Variants in PHC2 observed in about 807,000 individuals in gnomAD.
PHC2 encodes the protein polyhomeotic-like protein 2.
Under a neutral mutation model 87.4 loss-of-function variants are expected in PHC2, and 29 were observed. The ratio of observed to expected loss-of-function variants is 0.33; its 90% confidence interval spans 0.25 to 0.45. PHC2 has a LOEUF of 0.45. Ranked by LOEUF, PHC2 falls within the 20% of genes least tolerant of loss-of-function variation. The pLI, the probability that PHC2 is intolerant of heterozygous loss-of-function variation, is 1.00. For missense variants in PHC2, 857 were observed against 1,136.7 expected (o/e 0.75, Z 3.54); for synonymous variants, 438 against 461.7 (o/e 0.95, Z 0.66).
intron 3 of PHC2, among the ~76,000 whole-genome samples, chr1:33,371,658 G>C (rs1362781734): frequency 6.6e-6 from 1 of 152,222 alleles, no homozygotes; most frequent in Non-Finnish European, 1.5e-5. Context: ...CAACAGACAG[G>C]CTTTTCCTGA....
At chr1:33,343,706 T>C (rs2148244010) in intron 9 of PHC2, among the ~76,000 whole-genome samples, 1 of 152,296 alleles carries the variant, frequency 6.6e-6, no homozygotes, top group Middle Eastern at 3.4e-3. Context: ...ATCATTCTAA[T>C]CTCACTCTTT....
intron 7 of PHC2, among the ~76,000 whole-genome samples, chr1:33,365,710 T>TTCTTGGCTCAGCGGTGACCA (rs1553186572): frequency 6.6e-6 from 1 of 152,228 alleles, no homozygotes. Flanking sequence ...GGAGGTGCCT[T>TTCTTGGCTCAGCGGTGACCA]TCTTGGCTCA....
rs1195758740 is a variant in PHC2, at chr1:33,330,077, C to T, written c.2142G>A (p.Lys714=). ...GGCTCTGCCCGCCTCTTACCTGCTT[C>T]TTGGTATCCTTGGTAAGTGGTGGCA... is the stretch of plus-strand genomic sequence containing the variant. The part of the protein sequence containing the change: ...ASLPPLTKDT[K]KQPTGTVPLS... The change falls in exon 13 of 15, where the codon AAG becomes AAA. Residue 714 remains lysine (K), a synonymous_variant. Transcript: ENST00000683057. 2 of 1,613,674 alleles carry T rather than the reference C, an allele frequency of 1.2e-6. No individual in the cohort carries two copies. The highest frequency in any genetic ancestry group is 1.7e-6 in the Non-Finnish European group (2 of 1,179,958).
At chr1:33,340,657 C>G (rs570203008) in intron 9 of PHC2, among the ~76,000 whole-genome samples, 1 of 152,260 alleles carries the variant, frequency 6.6e-6, no homozygotes, top group African/African-American at 2.4e-5. Flanking sequence ...AGAGATTTCA[C>G]AAACACCTGT....
In PHC2 at chr1:33,355,121, A is replaced by G. The variant is rs1431898843; in HGVS notation, c.1109T>C (p.Leu370Pro). The G allele has an allele frequency of 1.9e-6, 3 of 1,611,250 alleles. No homozygotes were observed. In the Admixed American group the frequency reaches 5.0e-5, roughly 27 times the overall value. ...QPPPQQSRPV[L>P]QAEPHPQLAS... is the part of the protein sequence containing the mutation. ...GAGCTGGGGGTGGGGCTCAGCTTGGAGCACAGGCCGTGACTGCTGGGGCGG... is the reference window on the plus strand; with the variant it reads ...GAGCTGGGGGTGGGGCTCAGCTTGGGGCACAGGCCGTGACTGCTGGGGCGG... The change falls in exon 8 of 15, where the codon CTC becomes CCC. Residue 370 changes from leucine to proline, a missense_variant. Around this residue, in one of 3 missense-constraint regions of PHC2, gnomAD observed 832 missense variants for 1,081.8 expected, o/e 0.77. Coordinates refer to ENST00000683057, the MANE Select transcript of PHC2 (RefSeq NM_001385109.1).
At chr1:33,405,795 G>T (rs960309007) in intron 1 of PHC2, among the ~76,000 whole-genome samples, 1 of 147,834 alleles carries the variant, frequency 6.8e-6, no homozygotes, top group African/African-American at 2.4e-5. Flanking sequence ...CCAAATATTG[G>T]TATTTCTAGT....
chr1:33,351,598 C>G (rs765760688), intron 9 of PHC2, among the ~76,000 whole-genome samples: 113 of 152,060 alleles, frequency 7.4e-4, no homozygotes, highest in Admixed American at 3.3e-4. Context: ...GGGTACAGAC[C>G]GTGTTTCTCA....
Position 33,368,854 on chromosome 1 carries a change from A to G in PHC2, c.577-232T>C, listed in dbSNP as rs4653111. ...CTGCCTTTCTCTAGAGGCTCGTTGC[A>G]TCCTGACCCAGGCTGGGTGCAGGGG... On this transcript the variant is annotated intron_variant, in intron 5 of 14. Transcript: ENST00000683057. The surrounding 1 kb of genome is among the most constrained non-coding windows in gnomAD (Gnocchi z 6.6). Among the ~76,000 whole-genome samples the G allele has an allele frequency of 0.71, 107,829 of 151,982 alleles. 39,056 individuals are homozygous for G. The highest frequency in any genetic ancestry group is 0.86 in the African/African-American group (35,588 of 41,450).
chr1:33,372,590 GC>G, intron 2 of PHC2, 143 bp from the exon 3 acceptor site: 1 of 620,524 alleles, frequency 1.6e-6, no homozygotes, highest in Non-Finnish European at 2.5e-6. Flanking sequence ...GCCAATTGTG[GC>G]CACTCTCTAG....
chr1:33,393,241 G>A (rs1649147706), intron 1 of PHC2, among the ~76,000 whole-genome samples: 2 of 152,124 alleles, frequency 1.3e-5, no homozygotes, highest in African/African-American at 4.8e-5. Flanking sequence ...AAGAATGCAT[G>A]CTGCATGCTC....
At chr1:33,333,752 C>G (rs1024297567) in intron 10 of PHC2, 1 of 257,782 alleles carries the variant, frequency 3.9e-6, no homozygotes, top group African/African-American at 2.3e-5. Flanking sequence ...TCAATGAAAT[C>G]TAATTTCCCA....
chr1:33,365,210 A>G (rs1332180999), intron 7 of PHC2, among the ~76,000 whole-genome samples: 1 of 152,166 alleles, frequency 6.6e-6, no homozygotes, highest in Non-Finnish European at 1.5e-5. Flanking sequence ...CAGCTACCGG[A>G]CAGGGATCTT....
intron 1 of PHC2, among the ~76,000 whole-genome samples, chr1:33,410,401 G>A (rs538058996): frequency 2.0e-5 from 3 of 152,206 alleles, no homozygotes; most frequent in South Asian, 2.1e-4. Context: ...AAGAACAGCC[G>A]CTGAATGGAA....
chr1:33,349,068 G>A lies in PHC2; in HGVS notation c.1558+5333C>T. 4 of 984,798 alleles carry A rather than the reference G, an allele frequency of 4.1e-6. No homozygotes were observed. The highest frequency in any genetic ancestry group is 4.8e-6 in the Non-Finnish European group (4 of 829,352). The allele number at this position is 984,798 out of a possible 1,614,324, so 61.0% of individuals were successfully genotyped here. A position where few individuals can be genotyped will look rare whatever the true frequency, so the allele number is the denominator to read the frequency against. Reference sequence around the variant, plus strand: ...TATAGTCTACCTTCATTTGGCATAGGAAGGAGAGAAAACGCTCTTCTAAAA... The same window carrying A: ...TATAGTCTACCTTCATTTGGCATAGAAAGGAGAGAAAACGCTCTTCTAAAA... On this transcript the variant is annotated intron_variant, in intron 9 of 14. Transcript: ENST00000683057. This position sits in a 1 kb window ranked among gnomAD's most constrained non-coding sequence, Gnocchi z 4.2.
intron 9 of PHC2, chr1:33,347,893 G>A (rs1004895757): frequency 1.7e-4 from 30 of 177,538 alleles, no homozygotes; most frequent in Admixed American, 3.9e-4. Context: ...CCTTGCAGGG[G>A]CTGGAACTTA....
intron 1 of PHC2, among the ~76,000 whole-genome samples, chr1:33,426,312 G>C (rs1650666227): frequency 7.4e-6 from 1 of 134,654 alleles, no homozygotes; most frequent in Non-Finnish European, 1.7e-5. Flanking sequence ...GGGGTTCAAA[G>C]CTGCTGGGGG....
chr1:33,340,425 G>A (rs1034894699), intron 9 of PHC2, among the ~76,000 whole-genome samples: 3 of 152,162 alleles, frequency 2.0e-5, no homozygotes, highest in African/African-American at 4.8e-5. Flanking sequence ...TCTAGAAACC[G>A]CCTCAGTGGA....
rs1286052731 is a variant in PHC2, at chr1:33,367,216, C to T, written c.876G>A (p.Lys292=). The stretch of plus-strand genomic sequence containing the variant: ...GCACACTGCTGTTGCCATCTCCTTT[C>T]TTGTGTGGCTCCATCACACTGTCAG... The part of the protein sequence containing the change: ...GIADSVMEPH[K]KGDGNSSVPG... The change falls in exon 7 of 15, where the codon AAG becomes AAA. Residue 292 remains lysine, a synonymous_variant. Coordinates refer to ENST00000683057, the MANE Select transcript of PHC2 (RefSeq NM_001385109.1). 1 of 1,614,084 alleles carries T rather than the reference C, an allele frequency of 6.2e-7. No homozygotes were observed. Among genetic ancestry groups the T allele is most frequent in the African/African-American group, 1.3e-5 (1 of 74,932 alleles).
At chr1:33,372,241 A>C (rs773975271) in intron 3 of PHC2, 48 bp downstream of exon 3, 2 of 1,477,650 alleles carry the variant, frequency 1.4e-6, no homozygotes, top group South Asian at 2.8e-5. Flanking sequence ...TTTTGCTTCC[A>C]CAACCAGGAT....
Sources: gnomAD v4.1 joint callset for allele counts (sites outside exome capture counted in the v4.1 genomes callset) on GRCh38, gnomAD v4.1.1 for gene constraint, gnomAD v4.1.1 regional missense constraint, Gnocchi (gnomAD v3.1) non-coding constraint, MANE v1.5 for transcripts, NCBI Gene and HGNC (gene_info 2026-07-23, HGNC 2026-07-21) for gene names.